The following ABCB5 variants were observed in gnomAD, a reference collection of about 807,000 sequenced individuals.
The protein encoded by ABCB5 is ATP binding cassette subfamily B member 5.
In ABCB5, 155 loss-of-function variants were observed where a neutral mutation model predicts 144.2. That is an observed-to-expected ratio of 1.08 (90% CI 0.94 to 1.23). The LOEUF (loss-of-function observed/expected upper bound fraction) is 1.23. ABCB5 is among the 50% of genes most tolerant of loss of function. ABCB5 has a pLI of 0.00. For synonymous variants in ABCB5, 610 were observed against 528.6 expected, an observed-to-expected ratio of 1.15 and a Z score of -2.11; for missense variants, 1,830 against 1,520.8, an observed-to-expected ratio of 1.20 and a Z score of -3.38.
Position 20,659,295 on chromosome 7 carries a change from T to C in ABCB5, c.1707+619T>C. On this transcript the variant is annotated intron_variant, in intron 14 of 27. Coordinates refer to ENST00000404938, the MANE Select transcript of ABCB5 (RefSeq NM_001163941.2). ...CGGTATGAAAAACCATTGAACAGTT[T>C]TCTCGATGGCCTGACTCCCTTATAA... 2.1e-6 allele frequency: 3 copies of C among 1,438,044 alleles called. No homozygotes were observed. The South Asian group carries it at 4.6e-5, about 22-fold the overall frequency. 89.1% of individuals were successfully genotyped at this position (1,438,044 alleles called of 1,614,324 possible). A position where few individuals can be genotyped will look rare whatever the true frequency, so the allele number is the denominator to read the frequency against.
intron 5 of ABCB5, among the ~76,000 whole-genome samples, chr7:20,642,290 A>AC (rs1415127121): frequency 4.6e-5 from 7 of 152,320 alleles, no homozygotes; most frequent in Non-Finnish European, 1.0e-4. Flanking sequence ...TGTGCTAAAC[A>AC]ACTTTTTTCT....
intron 15 of ABCB5, 100 bp from the exon 16 acceptor site, chr7:20,685,596 C>A (rs1785966879): frequency 9.1e-7 from 1 of 1,101,908 alleles, no homozygotes; most frequent in African/African-American, 1.6e-5. Flanking sequence ...ATGCCACTTT[C>A]AATAGCAAAG....
At chr7:20,660,809 G>A (rs1385234553) in intron 14 of ABCB5, among the ~76,000 whole-genome samples, 1 of 152,084 alleles carries the variant, frequency 6.6e-6, no homozygotes, top group Non-Finnish European at 1.5e-5. Context: ...CCTCCTCCCT[G>A]GTGATAGAAT....
rs5882755 is a variant in ABCB5 at position 20,702,828 on chromosome 7, ATTTTTTT to A, written c.2338-1881_2338-1875del. On this transcript the variant is annotated intron_variant, in intron 19 of 27. Coordinates refer to ENST00000404938, the MANE Select transcript of ABCB5 (RefSeq NM_001163941.2). ...AGGCGCCCACCGCCACGCCTGGCTAATTTTTTTTTTTTTTTTTTTTTGTATTTTTAGT... is the reference window on the plus strand; with the variant it reads ...AGGCGCCCACCGCCACGCCTGGCTAATTTTTTTTTTTTTTGTATTTTTAGT... Among the ~76,000 whole-genome samples, 41 of 114,104 alleles carry A rather than the reference ATTTTTTT, an allele frequency of 3.6e-4. 1 individual carries two copies. Among genetic ancestry groups the A allele is most frequent in the Admixed American group, 6.6e-4 (7 of 10,570 alleles). 74.9% of individuals were successfully genotyped at this position (114,104 alleles called of 152,430 possible). A position where few individuals can be genotyped will look rare whatever the true frequency, so the allele number is the denominator to read the frequency against.
At chr7:20,731,212 G>A (rs1782201290) in intron 23 of ABCB5, among the ~76,000 whole-genome samples, 1 of 151,744 alleles carries the variant, frequency 6.6e-6, no homozygotes, top group Non-Finnish European at 1.5e-5. Flanking sequence ...AAATTAGCTG[G>A]GCATGGTGGT....
In ABCB5 at chr7:20,692,736, C is replaced by A. The variant is rs1206109429; in HGVS notation, c.2011-5671C>A. On this transcript the variant is annotated intron_variant, in intron 16 of 27. Transcript: ENST00000404938. ...TAGCCAAAACACTGGGAAAAAGAAA[C>A]TAAAGTATTATATTTTAAGGTTCCT... Among the ~76,000 whole-genome samples, 5 of 151,488 alleles carry A rather than the reference C, an allele frequency of 3.3e-5. No individual in the cohort carries two copies. The East Asian group carries it at 9.7e-4, about 29-fold the overall frequency.
intron 20 of ABCB5, among the ~76,000 whole-genome samples, chr7:20,718,954 A>C (rs1051861068): frequency 1.3e-5 from 2 of 152,160 alleles, no homozygotes; most frequent in South Asian, 4.1e-4. Flanking sequence ...TGTTCATTAC[A>C]TCTTTATTTT....
chr7:20,627,834 G>A (rs1159400743), intron 3 of ABCB5, among the ~76,000 whole-genome samples: 2 of 152,148 alleles, frequency 1.3e-5, no homozygotes, highest in Non-Finnish European at 2.9e-5. Flanking sequence ...GTGAGCCAGA[G>A]CGTTGAAAAT....
chr7:20,626,408 G>T lies in ABCB5; in HGVS notation c.54-149G>T, dbSNP rs554177203. On this transcript the variant is annotated intron_variant, in intron 2 of 27. Coordinates refer to ENST00000404938, the MANE Select transcript of ABCB5 (RefSeq NM_001163941.2). ...AGTTTACAGACAACCAGTGACAACT[G>T]TCTATCATTAAGTTTATTTTTAAAA... 6.5e-6 allele frequency: 4 copies of T among 614,156 alleles called. No individual in the cohort carries two copies. In the East Asian group the frequency reaches 8.9e-5, roughly 14 times the overall value. The allele number at this position is 614,156 out of a possible 1,614,324, so 38.0% of individuals were successfully genotyped here.
intron 23 of ABCB5, among the ~76,000 whole-genome samples, chr7:20,737,529 T>C (rs190762879): frequency 3.3e-4 from 51 of 152,292 alleles, no homozygotes; most frequent in African/African-American, 1.2e-3. Flanking sequence ...ATTACTGTTA[T>C]AGTGGGAATG....
At chr7:20,625,489 A>C (rs1339856693) in intron 2 of ABCB5, among the ~76,000 whole-genome samples, 1 of 152,228 alleles carries the variant, frequency 6.6e-6, no homozygotes, top group Non-Finnish European at 1.5e-5. Flanking sequence ...CTAAGAAATG[A>C]AATTTTCAAA....
intron 20 of ABCB5, among the ~76,000 whole-genome samples, chr7:20,705,186 A>C (rs1786780635): frequency 6.6e-6 from 1 of 152,204 alleles, no homozygotes; most frequent in Non-Finnish European, 1.5e-5. Flanking sequence ...CCCCCAGAAA[A>C]TAAGATTTTA....
Position 20,704,710 on chromosome 7 carries a change from C to T in ABCB5, c.2338-14C>T. The stretch of plus-strand genomic sequence containing the variant: ...GATTTTTGACAACCATATGTTAATT[C>T]TCCTTTTCTCTAGGATATTGCCTGG... On this transcript the variant is annotated splice_polypyrimidine_tract_variant and intron_variant, in intron 19 of 27. Transcript: ENST00000404938. 1 of 1,606,002 alleles carries T rather than the reference C, an allele frequency of 6.2e-7. No individual in the cohort carries two copies. The highest frequency in any genetic ancestry group is 1.7e-4 in the Middle Eastern group (1 of 5,968).
intron 22 of ABCB5, among the ~76,000 whole-genome samples, chr7:20,727,841 T>C (rs1782085279): frequency 6.9e-6 from 1 of 145,948 alleles, no homozygotes; most frequent in Non-Finnish European, 1.5e-5. Flanking sequence ...GTCCTCCTTA[T>C]CACATTGACT....
intron 20 of ABCB5, among the ~76,000 whole-genome samples, chr7:20,721,548 CCTA>C (rs1480011962): frequency 6.6e-6 from 1 of 152,088 alleles, no homozygotes; most frequent in Non-Finnish European, 1.5e-5. Flanking sequence ...TCCCTTCTGC[CCTA>C]CTGTTTCCTG....
At chr7:20,730,345 G>A (rs894503722) in intron 23 of ABCB5, among the ~76,000 whole-genome samples, 7 of 152,138 alleles carry the variant, frequency 4.6e-5, no homozygotes, top group African/African-American at 1.7e-4. Flanking sequence ...GCTGTCTGTA[G>A]TCAAAATACA....
intron 14 of ABCB5, among the ~76,000 whole-genome samples, chr7:20,677,871 T>A (rs1409364450): frequency 6.6e-6 from 1 of 152,234 alleles, no homozygotes; most frequent in Admixed American, 6.5e-5. Context: ...TTTTTACCTC[T>A]GTCAATGATC....
At chr7:20,723,942 A>T (rs1395008170) in intron 21 of ABCB5, among the ~76,000 whole-genome samples, 1 of 152,192 alleles carries the variant, frequency 6.6e-6, no homozygotes, top group Non-Finnish European at 1.5e-5. Flanking sequence ...ATATTCATAC[A>T]AATAATTATT....
intron 20 of ABCB5, among the ~76,000 whole-genome samples, chr7:20,711,896 C>T (rs1787085329): frequency 8.8e-6 from 1 of 114,086 alleles, no homozygotes; most frequent in Non-Finnish European, 1.8e-5. Flanking sequence ...CTCCCTCCTT[C>T]CTTCCTTCCT....
Sources: allele counts gnomAD v4.1 joint callset (sites outside exome capture counted in the v4.1 genomes callset), GRCh38; gene constraint gnomAD v4.1.1; transcripts MANE v1.5; gene names NCBI Gene and HGNC (gene_info 2026-07-23, HGNC 2026-07-21).